PRKN: variants seen among roughly 807,000 people sequenced by gnomAD.
PRKN encodes E3 ubiquitin-protein ligase parkin.
A neutral mutation model predicts 59.5 loss-of-function variants in PRKN; 56 were observed. That is an observed-to-expected ratio of 0.94 (90% confidence interval 0.76 to 1.18). The LOEUF is 1.18. PRKN is among the 50% of genes most tolerant of loss of function. The pLI is 0.00. For missense variants in PRKN, 657 were observed against 596.4 expected, an observed-to-expected ratio of 1.10 and a Z score of -1.06; for synonymous variants, 250 against 222.1, an observed-to-expected ratio of 1.13 and a Z score of -1.12.
chr6:161,496,693 G>A lies in PRKN; in HGVS notation c.1083+52161C>T, dbSNP rs569533951. ...TTATTACAATTTAAGGGATATTTGG[G>A]TGGGGACACAGCCAAACCATATCAT... On this transcript the variant is annotated intron_variant, in intron 9 of 11. Transcript: ENST00000366898. 1.1e-3 allele frequency among the ~76,000 whole-genome samples: 166 copies of A among 152,298 alleles called. 2 individuals carry two copies. Among genetic ancestry groups the A allele is most frequent in the Admixed American group, 4.2e-3 (64 of 15,300 alleles).
chr6:161,782,269 T>C lies in PRKN; in HGVS notation c.871+3503A>G, dbSNP rs145768948. On this transcript the variant is annotated intron_variant, in intron 7 of 11. Coordinates refer to ENST00000366898, the MANE Select transcript of PRKN (RefSeq NM_004562.3). ...CTATATCGGACTAGGGAGTGATCTTTAAAATATAATAGGTACTATAGAGTG... is the reference window on the plus strand; with the variant it reads ...CTATATCGGACTAGGGAGTGATCTTCAAAATATAATAGGTACTATAGAGTG... Among the ~76,000 whole-genome samples, 631 of 152,284 alleles carry C rather than the reference T, an allele frequency of 4.1e-3. 5 individuals carry two copies. The highest frequency in any genetic ancestry group is 0.02 in the Middle Eastern group (6 of 294).
intron 7 of PRKN, among the ~76,000 whole-genome samples, chr6:161,668,362 T>A (rs1353236777): frequency 6.6e-6 from 1 of 151,088 alleles, no homozygotes; most frequent in African/African-American, 2.4e-5. Context: ...ATTATGAGCA[T>A]AAAAACAACA....
rs558680735 is a variant in PRKN at position 161,945,320 on chromosome 6, C to T, written c.734+27982G>A. Among the ~76,000 whole-genome samples the T allele has an allele frequency of 5.9e-5, 9 of 152,234 alleles. No individual in the cohort carries two copies. The East Asian group carries it at 1.2e-3, about 20-fold the overall frequency. On this transcript the variant is annotated intron_variant, in intron 6 of 11. Coordinates refer to ENST00000366898, the MANE Select transcript of PRKN (RefSeq NM_004562.3). Reference sequence around the variant, plus strand: ...ATACGGCCCGCTCATTTGTAAATCACATGGCTTTAGTAAGCAAAGATGCTT... The same window carrying T: ...ATACGGCCCGCTCATTTGTAAATCATATGGCTTTAGTAAGCAAAGATGCTT...
At chr6:162,599,374 A>G (rs1781611651) in intron 1 of PRKN, among the ~76,000 whole-genome samples, 1 of 152,142 alleles carries the variant, frequency 6.6e-6, no homozygotes, top group Non-Finnish European at 1.5e-5. Flanking sequence ...CGACCTCACA[A>G]GCAGGACAGG....
intron 2 of PRKN, among the ~76,000 whole-genome samples, chr6:162,388,694 C>T (rs528087339): frequency 2.6e-5 from 4 of 152,208 alleles, no homozygotes; most frequent in South Asian, 2.1e-4. Context: ...GTACTGTGCT[C>T]GGGGAGGGAC....
intron 6 of PRKN, among the ~76,000 whole-genome samples, chr6:161,894,050 G>A (rs1444291969): frequency 6.6e-6 from 1 of 152,132 alleles, no homozygotes; most frequent in Non-Finnish European, 1.5e-5. Flanking sequence ...GCTATAAATA[G>A]TGAGTTCTGT....
At chr6:162,394,279 G>A (rs1400229546) in intron 2 of PRKN, among the ~76,000 whole-genome samples, 1 of 152,202 alleles carries the variant, frequency 6.6e-6, no homozygotes, top group Non-Finnish European at 1.5e-5. Flanking sequence ...TCTGGGCAAA[G>A]TGAGAGCGTT....
At chr6:162,459,007 G>C (rs1366335495) in intron 1 of PRKN, among the ~76,000 whole-genome samples, 1 of 151,970 alleles carries the variant, frequency 6.6e-6, no homozygotes, top group South Asian at 2.1e-4. Context: ...TTTTAGTACA[G>C]ACGGGATTCG....
At chr6:161,375,660 G>A (rs1785664752) in intron 10 of PRKN, among the ~76,000 whole-genome samples, 1 of 152,190 alleles carries the variant, frequency 6.6e-6, no homozygotes, top group African/African-American at 2.4e-5. Flanking sequence ...GCCTGGAAGA[G>A]GAGGAAATGA....
chr6:162,556,951 A>C (rs1327632743), intron 1 of PRKN, among the ~76,000 whole-genome samples: 2 of 152,118 alleles, frequency 1.3e-5, no homozygotes, highest in Non-Finnish European at 2.9e-5. Flanking sequence ...GCCCCATTTG[A>C]TGAAATAAAG....
chr6:161,765,445 G>A (rs1318540618), intron 7 of PRKN, among the ~76,000 whole-genome samples: 1 of 152,070 alleles, frequency 6.6e-6, no homozygotes, highest in Non-Finnish European at 1.5e-5. Flanking sequence ...CAAAATTACA[G>A]CCTAGACGTT....
At chr6:161,775,570 G>T (rs1002643329) in intron 7 of PRKN, among the ~76,000 whole-genome samples, 3 of 152,058 alleles carry the variant, frequency 2.0e-5, no homozygotes, top group African/African-American at 4.8e-5. Flanking sequence ...AACTAATTAT[G>T]TTGAATTTTT....
intron 9 of PRKN, among the ~76,000 whole-genome samples, chr6:161,513,805 C>T (rs1778489257): frequency 6.6e-6 from 1 of 152,134 alleles, no homozygotes; most frequent in Non-Finnish European, 1.5e-5. Flanking sequence ...GTGGGCTTAT[C>T]TCCCAGATCC....
chr6:162,475,590 T>A (rs10622463), intron 1 of PRKN, among the ~76,000 whole-genome samples: 4 of 151,916 alleles, frequency 2.6e-5, no homozygotes, highest in East Asian at 2.0e-4. Flanking sequence ...CATGAGTGTG[T>A]GTGTGTTTGC....
chr6:161,412,634 TCACTCATTCCTC>T, intron 9 of PRKN, among the ~76,000 whole-genome samples: 1 of 150,972 alleles, frequency 6.6e-6, no homozygotes, highest in South Asian at 2.1e-4. Context: ...ATTCCTCGGC[TCACTCATTCCTC>T]CACTCACTCA....
chr6:162,163,007 CA>C (rs1226845918), intron 4 of PRKN, among the ~76,000 whole-genome samples: 1 of 147,942 alleles, frequency 6.8e-6, no homozygotes, highest in African/African-American at 2.6e-5. Flanking sequence ...GATTCTGTCT[CA>C]AAAAAATAAA....
intron 2 of PRKN, among the ~76,000 whole-genome samples, chr6:162,326,715 A>G (rs949171713): frequency 6.6e-6 from 1 of 152,212 alleles, no homozygotes; most frequent in Non-Finnish European, 1.5e-5. Flanking sequence ...AAAAAGCTAC[A>G]GTGCCACATA....
At chr6:161,710,463 T>C (rs1051654110) in intron 7 of PRKN, among the ~76,000 whole-genome samples, 1 of 151,762 alleles carries the variant, frequency 6.6e-6, no homozygotes, top group Admixed American at 6.6e-5. Context: ...TGTATGTTTT[T>C]TCTTCTTCTT....
At chr6:162,294,097 G>A (rs1781556019) in intron 2 of PRKN, among the ~76,000 whole-genome samples, 1 of 126,402 alleles carries the variant, frequency 7.9e-6, no homozygotes, top group African/African-American at 3.6e-5. Context: ...CATGCAACCC[G>A]GCTGAATAGA....
Sources: gnomAD v4.1 joint callset for allele counts (sites outside exome capture counted in the v4.1 genomes callset) on GRCh38, gnomAD v4.1.1 for gene constraint, MANE v1.5 for transcripts, NCBI Gene and HGNC (gene_info 2026-07-23, HGNC 2026-07-21) for gene names.